SNX8: variants seen among roughly 807,000 people sequenced by gnomAD.
SNX8 encodes sorting nexin 8, also known as sorting nexin-8.
In SNX8, 25 loss-of-function variants were observed where a neutral mutation model predicts 51.6. The observed-to-expected ratio is 0.48, with a 90% CI of 0.35 to 0.68. SNX8 has a LOEUF of 0.68. Among genes scored for constraint, SNX8 ranks in the 30% least tolerant of loss-of-function variants. SNX8 has a pLI of 0.00. For synonymous variants in SNX8, 324 were observed against 277.0 expected (o/e 1.17, Z -1.68); for missense variants, 695 against 624.0 (o/e 1.11, Z -1.21).
In SNX8 at chr7:2,275,219, G is replaced by A. The variant is rs1179008968; in HGVS notation, c.311C>T (p.Ser104Phe). Reference protein sequence around the residue: ...EYEVSSQRFKSSVYRRYNDFV... With the variant: ...EYEVSSQRFKFSVYRRYNDFV... Reference sequence around the variant, plus strand: ...GTCATTGTACCGTCTGTATACCGAGGACTTGAAGCGCTGCAAGAGAAGGGT... The same window carrying A: ...GTCATTGTACCGTCTGTATACCGAGAACTTGAAGCGCTGCAAGAGAAGGGT... The change falls in exon 3 of 11, where the codon TCC (serine) becomes TTC (phenylalanine). Residue 104 changes from serine (S) to phenylalanine (F), a missense_variant. Transcript: ENST00000222990. 1.2e-6 allele frequency: 2 copies of A among 1,612,268 alleles called. No homozygotes were observed. The highest frequency in any genetic ancestry group is 3.3e-5 in the Admixed American group (2 of 60,010).
upstream of SNX8, among the ~76,000 whole-genome samples, chr7:2,315,049 C>T (rs1362024186): frequency 1.3e-5 from 2 of 151,812 alleles, no homozygotes; most frequent in African/African-American, 4.8e-5. Context: ...CTCACTGCAT[C>T]CTGCATTCAT....
At chr7:2,353,017 G>T (rs925061659) in intron 1 of SNX8, among the ~76,000 whole-genome samples, 1 of 152,088 alleles carries the variant, frequency 6.6e-6, no homozygotes, top group South Asian at 2.1e-4. Context: ...GGATGGGATG[G>T]GTGTGGTGGC....
At chr7:2,308,642 G>C (rs1351712546) in intron 1 of SNX8, among the ~76,000 whole-genome samples, 1 of 144,984 alleles carries the variant, frequency 6.9e-6, no homozygotes, top group Non-Finnish European at 1.5e-5. Context: ...CTCCAGCCTG[G>C]GCAACAGAGT....
At chr7:2,294,088 C>T (rs990903206) in intron 1 of SNX8, among the ~76,000 whole-genome samples, 1 of 151,812 alleles carries the variant, frequency 6.6e-6, no homozygotes, top group South Asian at 2.1e-4. Flanking sequence ...ATAGTGAAAC[C>T]CTGTCTCTAC....
chr7:2,289,210 C>T lies in SNX8; in HGVS notation c.95-10905G>A, dbSNP rs1358584918. Reference sequence around the variant, plus strand: ...TCGTCGCCTCCTCCTCCCTCTGCTGCGGGGCATCTGGGAGGGTTCCAGCAC... The same window carrying T: ...TCGTCGCCTCCTCCTCCCTCTGCTGTGGGGCATCTGGGAGGGTTCCAGCAC... On this transcript the variant is annotated intron_variant, in intron 1 of 10. Transcript: ENST00000222990. Among the ~76,000 whole-genome samples the T allele has an allele frequency of 2.6e-5, 4 of 152,248 alleles. No individual in the cohort carries two copies. The East Asian group carries it at 7.7e-4, about 29-fold the overall frequency.
At chr7:2,286,438 A>C (rs1796029970) in intron 1 of SNX8, among the ~76,000 whole-genome samples, 1 of 152,060 alleles carries the variant, frequency 6.6e-6, no homozygotes, top group Non-Finnish European at 1.5e-5. Flanking sequence ...CTCCATCCCT[A>C]CAACCTGTAC....
intron 1 of SNX8, among the ~76,000 whole-genome samples, chr7:2,322,862 A>T (rs909666043): frequency 3.7e-4 from 13 of 35,512 alleles, no homozygotes; most frequent in Admixed American, 8.9e-4. Flanking sequence ...ACTAAAAATA[A>T]AAAAAAAATC....
chr7:2,255,309 C>T, intron 10 of SNX8, 140 bp from the exon 11 acceptor site: 2 of 603,706 alleles, frequency 3.3e-6, no homozygotes, highest in Non-Finnish European at 5.9e-6. Flanking sequence ...TCTGGCAGAA[C>T]CAGTGCTGCC....
chr7:2,339,865 C>T (rs1583123950), intron 1 of SNX8, among the ~76,000 whole-genome samples: 1 of 151,990 alleles, frequency 6.6e-6, no homozygotes, highest in African/African-American at 2.4e-5. Flanking sequence ...AGAAACGGAA[C>T]CATGTATTTT....
At position 2,351,711 on chromosome 7, in the gene SNX8, G is replaced by A. The variant is rs188960338; in HGVS notation, c.-66+2511C>T. Among the ~76,000 whole-genome samples the A allele has an allele frequency of 6.5e-4, 99 of 151,432 alleles. 2 individuals carry two copies. In the East Asian group the frequency reaches 0.014, roughly 21 times the overall value. On this transcript the variant is annotated intron_variant, in intron 1 of 5. Coordinates refer to the SNX8 transcript ENST00000435336. ...CCGGGTGTGGTGGCAGGCGCCTGTA[G>A]TCCCAGCTACTCGGGAGGCTGAGGC...
intron 1 of SNX8, among the ~76,000 whole-genome samples, chr7:2,292,564 A>G (rs1341398618): frequency 1.3e-5 from 2 of 151,806 alleles, no homozygotes; most frequent in Non-Finnish European, 2.9e-5. Context: ...GGCGTCCACC[A>G]CCACACCCGG....
chr7:2,337,743 CAG>C (rs1431651921), intron 1 of SNX8, among the ~76,000 whole-genome samples: 2 of 149,636 alleles, frequency 1.3e-5, no homozygotes, highest in African/African-American at 2.5e-5. Context: ...TAAAGAATCA[CAG>C]AGTCAACCCC....
chr7:2,264,599 C>T (rs567626269), intron 5 of SNX8, 141 bp from the exon 6 acceptor site: 13 of 662,734 alleles, frequency 2.0e-5, no homozygotes, highest in African/African-American at 1.1e-4. Context: ...CTCCTCCAGG[C>T]CTGCAGGGAT....
intron 10 of SNX8, among the ~76,000 whole-genome samples, chr7:2,256,226 G>A (rs921175772): frequency 1.3e-5 from 2 of 152,164 alleles, no homozygotes; most frequent in African/African-American, 2.4e-5. Context: ...AGTGCTGGAC[G>A]GCACCCACGG....
chr7:2,347,996 G>A (rs371809611), intron 1 of SNX8, among the ~76,000 whole-genome samples: 2 of 152,080 alleles, frequency 1.3e-5, no homozygotes, highest in Admixed American at 6.6e-5. Context: ...AGTGCCCTGC[G>A]AGATTGGACA....
chr7:2,304,999 T>C (rs1477969835), intron 1 of SNX8, among the ~76,000 whole-genome samples: 2 of 152,196 alleles, frequency 1.3e-5, no homozygotes, highest in African/African-American at 2.4e-5. Context: ...TTTTGGCTTT[T>C]GGCTGAGAGT....
chr7:2,322,328 G>A (rs1372508804), intron 1 of SNX8, among the ~76,000 whole-genome samples: 1 of 152,008 alleles, frequency 6.6e-6, no homozygotes, highest in Admixed American at 6.6e-5. Flanking sequence ...AGTCCAGGAG[G>A]TGGAAGCTAC....
At chr7:2,349,141 T>C (rs1431431465) in intron 1 of SNX8, among the ~76,000 whole-genome samples, 2 of 146,638 alleles carry the variant, frequency 1.4e-5, no homozygotes, top group Admixed American at 6.8e-5. Context: ...GAGGTGGAGG[T>C]TGCAGTGAGC....
intron 1 of SNX8, among the ~76,000 whole-genome samples, chr7:2,332,619 TGGA>T (rs1366280682): frequency 6.6e-6 from 1 of 151,692 alleles, no homozygotes; most frequent in Admixed American, 6.6e-5. Flanking sequence ...CTGGGCGTGG[TGGA>T]GGACACCTGT....
Sources: gnomAD v4.1 joint callset for allele counts (sites outside exome capture counted in the v4.1 genomes callset) on GRCh38, gnomAD v4.1.1 for gene constraint, MANE v1.5 for transcripts, NCBI Gene and HGNC (gene_info 2026-07-23, HGNC 2026-07-21) for gene names.